DOCK2: variants seen among roughly 807,000 people sequenced by gnomAD.
DOCK2 encodes the protein dedicator of cytokinesis 2.
Under a neutral mutation model 248.9 loss-of-function variants are expected in DOCK2, and 87 were observed. That is an observed-to-expected ratio of 0.35 (90% CI 0.29 to 0.42). The LOEUF (loss-of-function observed/expected upper bound fraction) is 0.42. Among genes scored for constraint, DOCK2 ranks in the 10% least tolerant of loss-of-function variants. The pLI, the probability that DOCK2 is intolerant of heterozygous loss-of-function variation, is 1.00. For missense variants in DOCK2, 1,747 were observed against 2,300.2 expected, an observed-to-expected ratio of 0.76 and a Z score of 4.92; for synonymous variants, 805 against 821.6, an observed-to-expected ratio of 0.98 and a Z score of 0.35.
At chr5:169,848,989 A>G (rs1018114366) in intron 27 of DOCK2, among the ~76,000 whole-genome samples, 17 of 152,166 alleles carry the variant, frequency 1.1e-4, no homozygotes, top group African/African-American at 4.1e-4. Context: ...GAGCCAGACC[A>G]TGAGCCCAGA....
chr5:169,722,587 C>T (rs1762269478), intron 22 of DOCK2, among the ~76,000 whole-genome samples: 1 of 152,226 alleles, frequency 6.6e-6, no homozygotes, highest in African/African-American at 2.4e-5. Context: ...GAATCAGCCT[C>T]TCTGAGCCTC....
intron 32 of DOCK2, among the ~76,000 whole-genome samples, chr5:170,016,003 C>T (rs142117633): frequency 2.7e-4 from 41 of 152,164 alleles, no homozygotes; most frequent in African/African-American, 8.7e-4. Flanking sequence ...TTTTACCCTA[C>T]AGTCCACTCC....
intron 23 of DOCK2, among the ~76,000 whole-genome samples, chr5:169,748,636 G>A (rs1763742633): frequency 6.6e-6 from 1 of 152,182 alleles, no homozygotes; most frequent in Admixed American, 6.5e-5. Context: ...TCCTCAGAAT[G>A]TGTATCTGTA....
In DOCK2 at chr5:170,043,530, G is replaced by A. The variant is rs534678382; in HGVS notation, c.3876+1398G>A. ...TTAGCACTCAATTTGGGCCTGTCCTGTCACTGTAGTTTATTGCATCTGTCT... is the reference window on the plus strand; with the variant it reads ...TTAGCACTCAATTTGGGCCTGTCCTATCACTGTAGTTTATTGCATCTGTCT... On this transcript the variant is annotated intron_variant, in intron 38 of 51. Coordinates refer to ENST00000520908, the MANE Select transcript of DOCK2 (RefSeq NM_004946.3). Among the ~76,000 whole-genome samples, 3 of 152,296 alleles carry A rather than the reference G, an allele frequency of 2.0e-5. No homozygotes were observed. The East Asian group carries it at 5.8e-4, about 29-fold the overall frequency.
chr5:169,891,551 T>C (rs1471591137), intron 27 of DOCK2, among the ~76,000 whole-genome samples: 1 of 152,002 alleles, frequency 6.6e-6, no homozygotes, highest in Non-Finnish European at 1.5e-5. Context: ...CAGAATAAAG[T>C]GGAGTTGTTC....
intron 1 of DOCK2, among the ~76,000 whole-genome samples, chr5:169,644,697 A>G (rs1757352005): frequency 1.3e-5 from 2 of 151,308 alleles, no homozygotes; most frequent in South Asian, 2.1e-4. Context: ...GTAGGTATAC[A>G]TGTGCCATGG....
At chr5:169,717,513 T>C in intron 21 of DOCK2, 29 bp downstream of exon 21, 2 of 1,602,214 alleles carry the variant, frequency 1.2e-6, no homozygotes, top group South Asian at 2.2e-5. Context: ...GGGAACTTCT[T>C]CTCTACCACC....
chr5:169,913,640 G>A (rs114519867), intron 27 of DOCK2, among the ~76,000 whole-genome samples: 2,245 of 152,286 alleles, frequency 0.015, 53 homozygotes, highest in African/African-American at 0.051. Flanking sequence ...CTGGGAGTAT[G>A]CAGCTTATGA....
chr5:169,720,662 CT>C (rs1762146620), intron 22 of DOCK2, among the ~76,000 whole-genome samples: 1 of 152,212 alleles, frequency 6.6e-6, no homozygotes, highest in Admixed American at 6.5e-5. Context: ...CCCCTTCCTA[CT>C]GGAAGGCACA....
chr5:170,031,419 C>T (rs1036544886), intron 34 of DOCK2, among the ~76,000 whole-genome samples: 4 of 152,196 alleles, frequency 2.6e-5, no homozygotes, highest in East Asian at 1.9e-4. Context: ...TCTAGTCCTC[C>T]CACAACAGGA....
chr5:169,684,108 C>A (rs1019228842), intron 7 of DOCK2, 88 bp from the exon 8 acceptor site: 122 of 1,520,128 alleles, frequency 8.0e-5, no homozygotes, highest in Non-Finnish European at 1.1e-4. Flanking sequence ...TAGGCTTGAA[C>A]CCAATATCCT....
At chr5:169,701,615 A>G (rs1760974083) in intron 13 of DOCK2, among the ~76,000 whole-genome samples, 1 of 152,068 alleles carries the variant, frequency 6.6e-6, no homozygotes, top group Non-Finnish European at 1.5e-5. Flanking sequence ...CCCAGGCTCA[A>G]GCAATCCTCC....
At chr5:169,901,255 C>A (rs1028716845) in intron 27 of DOCK2, among the ~76,000 whole-genome samples, 2 of 152,100 alleles carry the variant, frequency 1.3e-5, no homozygotes, top group South Asian at 2.1e-4. Flanking sequence ...AGGTATTTGG[C>A]CTTTGTAACA....
chr5:169,943,555 G>A (rs752282931), intron 27 of DOCK2, among the ~76,000 whole-genome samples: 5 of 152,138 alleles, frequency 3.3e-5, no homozygotes, highest in African/African-American at 4.8e-5. Context: ...GAGAGTTGCC[G>A]TTTTCACAAG....
chr5:169,654,617 G>A, intron 2 of DOCK2, 131 bp downstream of exon 2: 1 of 821,774 alleles, frequency 1.2e-6, no homozygotes, highest in East Asian at 2.7e-5. Flanking sequence ...GGTAACGCTA[G>A]TAATTAGAAT....
At chr5:169,971,694 C>T (rs1777514558) in intron 27 of DOCK2, among the ~76,000 whole-genome samples, 1 of 152,196 alleles carries the variant, frequency 6.6e-6, no homozygotes, top group Admixed American at 6.5e-5. Context: ...TTCTTTAGTT[C>T]TCAAGACCTC....
intron 29 of DOCK2, among the ~76,000 whole-genome samples, chr5:169,987,042 T>G (rs558998234): frequency 7.4e-4 from 112 of 152,284 alleles, no homozygotes; most frequent in African/African-American, 2.6e-3. Flanking sequence ...AGCCCTGAGG[T>G]GTGGCTTCAG....
At chr5:169,999,732 A>G (rs909223866) in intron 30 of DOCK2, among the ~76,000 whole-genome samples, 2 of 152,024 alleles carry the variant, frequency 1.3e-5, no homozygotes, top group Admixed American at 6.6e-5. Flanking sequence ...GTAAGAATGG[A>G]TTTGTTCTCT....
chr5:169,779,048 A>T (rs979755627), intron 25 of DOCK2, among the ~76,000 whole-genome samples: 2 of 152,142 alleles, frequency 1.3e-5, no homozygotes, highest in Admixed American at 1.3e-4. Flanking sequence ...GGGACAGGGG[A>T]TATATGGGAA....
Sources: gnomAD v4.1 joint callset for allele counts (sites outside exome capture counted in the v4.1 genomes callset) on GRCh38, gnomAD v4.1.1 for gene constraint, MANE v1.5 for transcripts, NCBI Gene and HGNC (gene_info 2026-07-23, HGNC 2026-07-21) for gene names.